ADGRB1: variants seen among roughly 807,000 people sequenced by gnomAD.
ADGRB1 encodes the protein adhesion G protein-coupled receptor B1.
A neutral mutation model predicts 175.7 loss-of-function variants in ADGRB1; 36 were observed. That is an observed-to-expected ratio of 0.20 (90% CI 0.16 to 0.27). ADGRB1 has a LOEUF of 0.27. ADGRB1 is among the 10% of genes least tolerant of loss of function. ADGRB1 has a pLI of 1.00. For missense variants in ADGRB1, 1,731 were observed against 2,255.3 expected (o/e 0.77, Z 4.71); for synonymous variants, 1,054 against 979.4 (o/e 1.08, Z -1.42).
At chr8:142,519,303 C>T (rs1284018665) in intron 19 of ADGRB1, among the ~76,000 whole-genome samples, 2 of 152,128 alleles carry the variant, frequency 1.3e-5, no homozygotes, top group Non-Finnish European at 2.9e-5. Flanking sequence ...TATGAGCTGC[C>T]GGCAGGGACT....
intron 24 of ADGRB1, among the ~76,000 whole-genome samples, chr8:142,529,198 G>A (rs1281204919): frequency 1.3e-5 from 2 of 152,250 alleles, no homozygotes; most frequent in African/African-American, 2.4e-5. Flanking sequence ...GGCTAGGTGT[G>A]TGCATGTGTG....
intron 1 of ADGRB1, among the ~76,000 whole-genome samples, chr8:142,458,226 G>A (rs1278120057): frequency 6.6e-6 from 1 of 152,170 alleles, no homozygotes; most frequent in Non-Finnish European, 1.5e-5. Flanking sequence ...GAGCCCCAGT[G>A]CCCCTGAGAG....
chr8:142,535,406 C>T (rs948782644), intron 25 of ADGRB1, among the ~76,000 whole-genome samples: 2 of 152,172 alleles, frequency 1.3e-5, no homozygotes, highest in Non-Finnish European at 2.9e-5. Context: ...TTCCCCGAAG[C>T]CCCCAGTGAG....
intron 19 of ADGRB1, among the ~76,000 whole-genome samples, chr8:142,519,693 G>T (rs1344650126): frequency 9.2e-6 from 1 of 108,754 alleles, no homozygotes; most frequent in Non-Finnish European, 2.3e-5. Flanking sequence ...GGTAGTGGTG[G>T]TTGTGATGGT....
At position 142,477,243 on chromosome 8, in the gene ADGRB1, A is replaced by T. The variant is rs1372363218; in HGVS notation, c.1187A>T (p.Glu396Val). ...YSTQCSGPLR[E>V]QRLCNNSAVC... is the part of the protein sequence containing the mutation. ...ACGCAGTGCAGCGGACCCCTGCGCG[A>T]GCAGCGGCTGTGCAACAACTCTGCC... is the stretch of plus-strand genomic sequence containing the variant. Residue 396 changes from glutamate (E) to valine (V), a missense_variant, in exon 5 of 31, where the codon GAG becomes GTG. Physicochemically the swap from Glu to Val is moderately radical, Grantham distance 121 (BLOSUM62 -2). This residue lies in a region of ADGRB1 where 178 missense variants were observed against 227.8 expected (regional missense o/e 0.78). Coordinates refer to ENST00000517894, the MANE Select transcript of ADGRB1 (RefSeq NM_001702.3). 1 of 1,593,014 alleles carries T rather than the reference A, an allele frequency of 6.3e-7. No individual in the cohort carries two copies. Among genetic ancestry groups the T allele is most frequent in the Admixed American group, 1.7e-5 (1 of 59,486 alleles).
chr8:142,484,923 C>T (rs1198798984), intron 13 of ADGRB1, among the ~76,000 whole-genome samples, 159 bp downstream of exon 13: 1 of 152,222 alleles, frequency 6.6e-6, no homozygotes, highest in Non-Finnish European at 1.5e-5. Context: ...TTTTCAGTCT[C>T]CTGAGGGTTG....
chr8:142,539,423 C>A lies in ADGRB1; in HGVS notation c.3706+10C>A, dbSNP rs377651719. ...CTGGCCTGTAGATCAGGTGAGCGCC[C>A]GACAGGTGAGAGGACAGTGCCAGCC... On this transcript the variant is annotated intron_variant, in intron 27 of 30. Coordinates refer to ENST00000517894, the MANE Select transcript of ADGRB1 (RefSeq NM_001702.3). 13 of 1,600,886 alleles carry A rather than the reference C, an allele frequency of 8.1e-6. No homozygotes were observed. Among genetic ancestry groups the A allele is most frequent in the Admixed American group, 6.9e-5 (4 of 58,354 alleles).
chr8:142,533,227 AG>A (rs1332985628), intron 24 of ADGRB1, 67 bp from the exon 25 acceptor site: 13 of 1,385,152 alleles, frequency 9.4e-6, no homozygotes, highest in African/African-American at 1.5e-5. Context: ...CTGGAGATGC[AG>A]GGTTCAGGGC....
intron 1 of ADGRB1, among the ~76,000 whole-genome samples, chr8:142,456,900 G>A (rs907138403): frequency 1.4e-5 from 2 of 148,048 alleles, no homozygotes; most frequent in Admixed American, 6.6e-5. Flanking sequence ...ACTGTTGCTA[G>A]GGGCTCACCA....
chr8:142,452,378 A>G (rs13256888), intron 1 of ADGRB1, among the ~76,000 whole-genome samples: 66,963 of 152,114 alleles, frequency 0.44, 17,884 homozygotes, highest in African/African-American at 0.74. Context: ...GGTCCCGCGC[A>G]GGGGCGGATA....
intron 23 of ADGRB1, 52 bp from the exon 24 acceptor site, chr8:142,526,490 T>G: frequency 3.7e-5 from 47 of 1,281,186 alleles, no homozygotes; most frequent in Non-Finnish European, 4.9e-5. Flanking sequence ...TGTCAGCCCC[T>G]GAGCCTACGG....
chr8:142,509,851 A>G (rs1842991131), intron 17 of ADGRB1, among the ~76,000 whole-genome samples: 1 of 152,146 alleles, frequency 6.6e-6, no homozygotes. Context: ...GGAGGCCTGG[A>G]GTCCCTCCTC....
At chr8:142,470,537 G>A (rs1840605751) in intron 2 of ADGRB1, among the ~76,000 whole-genome samples, 1 of 151,656 alleles carries the variant, frequency 6.6e-6, no homozygotes, top group Admixed American at 6.6e-5. Flanking sequence ...TGTGGTGTGT[G>A]TCCCTGTGTG....
In ADGRB1 at chr8:142,544,523, G is replaced by A. The variant is rs1845475378; in HGVS notation, c.*106G>A. 11 of 1,295,862 alleles carry A rather than the reference G, an allele frequency of 8.5e-6. No homozygotes were observed. The highest frequency in any genetic ancestry group is 1.0e-5 in the Non-Finnish European group (10 of 1,001,476). The allele number at this position is 1,295,862 out of a possible 1,614,324, so 80.3% of individuals were successfully genotyped here. A position where few individuals can be genotyped will look rare whatever the true frequency, so the allele number is the denominator to read the frequency against. On this transcript the variant is annotated 3_prime_UTR_variant, in exon 31 of 31. Coordinates refer to ENST00000517894, the MANE Select transcript of ADGRB1 (RefSeq NM_001702.3). Reference sequence around the variant, plus strand: ...CGCTCGCGGGCAGCGGGCCAGGCCCGCACCCCGGCCTCAGGGCGCTCAGAC... The same window carrying A: ...CGCTCGCGGGCAGCGGGCCAGGCCCACACCCCGGCCTCAGGGCGCTCAGAC...
intron 13 of ADGRB1, among the ~76,000 whole-genome samples, chr8:142,487,549 T>C (rs1419751380): frequency 6.6e-6 from 1 of 152,132 alleles, no homozygotes; most frequent in Non-Finnish European, 1.5e-5. Flanking sequence ...CCCTGCCGCA[T>C]CTTGGGCTGC....
chr8:142,476,781 C>T (rs1356531070), intron 4 of ADGRB1, 86 bp downstream of exon 4: 6 of 1,302,440 alleles, frequency 4.6e-6, no homozygotes, highest in Non-Finnish European at 5.2e-6. Flanking sequence ...TGGGTAGTAA[C>T]TTGAATAACA....
intron 18 of ADGRB1, among the ~76,000 whole-genome samples, chr8:142,512,297 A>G (rs1456390099): frequency 6.6e-6 from 1 of 152,040 alleles, no homozygotes; most frequent in East Asian, 1.9e-4. Context: ...TTCTGCAGAC[A>G]GAGCCTGGCA....
rs529673305 is a variant in ADGRB1, at chr8:142,543,862, G to T, written c.4557+154G>T. 6.6e-6 allele frequency among the ~76,000 whole-genome samples: 1 copy of T among 152,202 alleles called. No homozygotes were observed. The highest frequency in any genetic ancestry group is 2.4e-5 in the African/African-American group (1 of 41,524). ...TTCGCCCATCCCTGAGGGCTGGCCT[G>T]ACCCTGCCATGCCAGACTCTGGAGG... On this transcript the variant is annotated intron_variant, in intron 30 of 30. Coordinates refer to ENST00000517894, the MANE Select transcript of ADGRB1 (RefSeq NM_001702.3). The surrounding 1 kb of genome is among the most constrained non-coding windows in gnomAD (Gnocchi z 4.4).
chr8:142,490,575 G>C (rs1243535776), intron 16 of ADGRB1, among the ~76,000 whole-genome samples, 197 bp from the exon 17 acceptor site: 2 of 152,242 alleles, frequency 1.3e-5, no homozygotes, highest in South Asian at 4.1e-4. Flanking sequence ...GTGGGGGCTT[G>C]TGCCAAGCCC....
Sources: gnomAD v4.1 joint callset for allele counts (sites outside exome capture counted in the v4.1 genomes callset) on GRCh38, gnomAD v4.1.1 for gene constraint, gnomAD v4.1.1 regional missense constraint, Gnocchi (gnomAD v3.1) non-coding constraint, MANE v1.5 for transcripts, NCBI Gene and HGNC (gene_info 2026-07-23, HGNC 2026-07-21) for gene names.